The following TRIL variants were observed in gnomAD, a reference collection of about 807,000 sequenced individuals.
The protein encoded by TRIL is TLR4 interactor with leucine rich repeats.
Under a neutral mutation model 43.0 loss-of-function variants are expected in TRIL, and 23 were observed. The observed-to-expected ratio is 0.54, with a 90% CI of 0.39 to 0.76. The LOEUF (loss-of-function observed/expected upper bound fraction) is 0.76. TRIL is among the 30% of genes least tolerant of loss of function. The pLI, the probability that TRIL is intolerant of heterozygous loss-of-function variation, is 0.00. For synonymous variants in TRIL, 602 were observed against 556.8 expected, an observed-to-expected ratio of 1.08 and a Z score of -1.14; for missense variants, 1,114 against 1,139.3, an observed-to-expected ratio of 0.98 and a Z score of 0.32.
In TRIL at chr7:28,958,204, G is replaced by A. The variant is rs1374075566; in HGVS notation, c.-158C>T. The A allele has an allele frequency of 7.5e-5, 85 of 1,140,498 alleles. No homozygotes were observed. The highest frequency in any genetic ancestry group is 3.7e-4 in the South Asian group (20 of 53,766). The allele number at this position is 1,140,498 out of a possible 1,614,324, so 70.6% of individuals were successfully genotyped here. A position where few individuals can be genotyped will look rare whatever the true frequency, so the allele number is the denominator to read the frequency against. Reference sequence around the variant, plus strand: ...TCCTCCGTCCTTTGTCCGGAGGCCGGCCCGGGTCTCTGCAGGCGGGCTTCG... The same window carrying A: ...TCCTCCGTCCTTTGTCCGGAGGCCGACCCGGGTCTCTGCAGGCGGGCTTCG... On this transcript the variant is annotated 5_prime_UTR_variant, in exon 1 of 1. Transcript: ENST00000539664.
In TRIL at chr7:28,955,459, G is replaced by T. The variant is rs1783381950; in HGVS notation, c.*152C>A. 3 of 1,139,342 alleles carry T rather than the reference G, an allele frequency of 2.6e-6. No homozygotes were observed. The highest frequency in any genetic ancestry group is 1.6e-5 in the African/African-American group (1 of 63,782). 70.6% of individuals were successfully genotyped at this position (1,139,342 alleles called of 1,614,324 possible). ...ACCATCCATTTACTTCTCGAGTATT[G>T]GGAATTGGGGGATGGTGCCCGAATT... On this transcript the variant is annotated 3_prime_UTR_variant, in exon 1 of 1. Coordinates refer to ENST00000539664, the MANE Select transcript of TRIL (RefSeq NM_014817.4).
chr7:28,957,560 C>A lies in TRIL; in HGVS notation c.487G>T (p.Asp163Tyr). 6.2e-7 allele frequency: 1 copy of A among 1,612,350 alleles called. No individual in the cohort carries two copies. Among genetic ancestry groups the A allele is most frequent in the East Asian group, 2.2e-5 (1 of 44,852 alleles). ...GLESLVKLRL[D>Y]GNALGALPDA... ...GGCAGCGCCCCCAGGGCGTTCCCGT[C>A]CAGCCGCAGCTTGACTAGACTCTCC... Residue 163 changes from aspartate (D) to tyrosine (Y), a missense_variant, in exon 1 of 1, where the codon GAC becomes TAC. Transcript: ENST00000539664.
At position 28,956,727 on chromosome 7, in the gene TRIL, C is replaced by T. The variant is rs774882617; in HGVS notation, c.1320G>A (p.Met440Ile). 6.9e-6 allele frequency: 11 copies of T among 1,603,510 alleles called. No homozygotes were observed. In the South Asian group the frequency reaches 1.2e-4, roughly 18 times the overall value. Residue 440 changes from methionine to isoleucine, a missense_variant, in exon 1 of 1, where the codon ATG (methionine) becomes ATA (isoleucine). Transcript: ENST00000539664. Reference protein sequence around the residue: ...QPLPTAAGEEMTPPAGLAEEL... With the variant: ...QPLPTAAGEEITPPAGLAEEL... ...CCTCCGCGAGACCTGCAGGTGGCGT[C>T]ATCTCCTCCCCTGCGGCCGTGGGTA... is the stretch of plus-strand genomic sequence containing the variant.
chr7:28,955,847 C>A lies in TRIL; in HGVS notation c.2200G>T (p.Ala734Ser), dbSNP rs1183532828. The change falls in exon 1 of 1, where the codon GCC becomes TCC. Residue 734 changes from alanine to serine, a missense_variant. Ala to Ser is a moderately conservative substitution (Grantham distance 99, BLOSUM62 1). Transcript: ENST00000539664. ...TACATGTGCCGAACGTGGACCGGGG[C>A]CCCGCCCTTCCGCCTAGCCCGCAGT... ...RKLRARRKGG[A>S]PVHVRHMYST... 5 of 1,549,728 alleles carry A rather than the reference C, an allele frequency of 3.2e-6. No homozygotes were observed. In the Admixed American group the frequency reaches 7.8e-5, roughly 24 times the overall value.
Position 28,957,675 on chromosome 7 carries a change from CG to C in TRIL, c.371del (p.Pro124ArgfsTer23). 1 of 1,608,076 alleles carries C rather than the reference CG, an allele frequency of 6.2e-7. No individual in the cohort carries two copies. The highest frequency in any genetic ancestry group is 8.5e-7 in the Non-Finnish European group (1 of 1,177,474). On this transcript the variant is annotated frameshift_variant, in exon 1 of 1. Coordinates refer to ENST00000539664, the MANE Select transcript of TRIL (RefSeq NM_014817.4). LOFTEE classifies it high-confidence loss of function. ...GCTTGCGCAGCGGGGCCAGCGTGCC[CG>C]GGGCGAGCGCCTGCAAGAGGTTGTT... ...LGNNLLQALA[P>X]GTLAPLRKLR...
At position 28,956,709 on chromosome 7, in the gene TRIL, G is replaced by A. The variant is rs370254572; in HGVS notation, c.1338C>T (p.Leu446=). Residue 446 remains leucine, a synonymous_variant, in exon 1 of 1, where the codon CTC becomes CTT. Transcript: ENST00000539664. Reference sequence around the variant, plus strand: ...GCGGCTGCGGCGGCAGCTCCTCCGCGAGACCTGCAGGTGGCGTCATCTCCT... The same window carrying A: ...GCGGCTGCGGCGGCAGCTCCTCCGCAAGACCTGCAGGTGGCGTCATCTCCT... The part of the protein sequence containing the change: ...AGEEMTPPAG[L]AEELPPQPQL... 27 of 1,593,340 alleles carry A rather than the reference G, an allele frequency of 1.7e-5. No homozygotes were observed. Among genetic ancestry groups the A allele is most frequent in the Non-Finnish European group, 2.1e-5 (25 of 1,172,530 alleles).
In TRIL at chr7:28,958,165, C is replaced by T; in HGVS notation, c.-119G>A. Reference sequence around the variant, plus strand: ...AAATGGCCTCTTTCGGACTTCGCAGCGCCGTCCAGCCCCTCCTCCGTCCTT... The same window carrying T: ...AAATGGCCTCTTTCGGACTTCGCAGTGCCGTCCAGCCCCTCCTCCGTCCTT... On this transcript the variant is annotated 5_prime_UTR_variant, in exon 1 of 1. Coordinates refer to ENST00000539664, the MANE Select transcript of TRIL (RefSeq NM_014817.4). 3.7e-6 allele frequency: 5 copies of T among 1,334,340 alleles called. No homozygotes were observed. The highest frequency in any genetic ancestry group is 2.8e-5 in the East Asian group (1 of 36,096). The allele number at this position is 1,334,340 out of a possible 1,614,324, so 82.7% of individuals were successfully genotyped here.
rs751596628 is a variant in TRIL, at chr7:28,956,581, G to A, written c.1466C>T (p.Pro489Leu). The A allele has an allele frequency of 2.7e-5, 42 of 1,552,840 alleles. No homozygotes were observed. The highest frequency in any genetic ancestry group is 1.4e-5 in the Non-Finnish European group (16 of 1,157,554). Residue 489 changes from proline (P) to leucine (L), a missense_variant, in exon 1 of 1, where the codon CCG becomes CTG. Coordinates refer to ENST00000539664, the MANE Select transcript of TRIL (RefSeq NM_014817.4). ...GGAGGGGCTGGGCTGCTGGAGGCCC[G>A]GGCCCCGCCGACTCAGCCTTAGGGC... ...RSALRLSRRG[P>L]GLQQPSPSVA...
In TRIL at chr7:28,958,147, C is replaced by G; in HGVS notation, c.-101G>C. The G allele has an allele frequency of 7.1e-7, 1 of 1,401,446 alleles. No individual in the cohort carries two copies. 86.8% of individuals were successfully genotyped at this position (1,401,446 alleles called of 1,614,324 possible). A position where few individuals can be genotyped will look rare whatever the true frequency, so the allele number is the denominator to read the frequency against. On this transcript the variant is annotated 5_prime_UTR_variant, in exon 1 of 1. Transcript: ENST00000539664. ...AGCCTGGCCAGAGTCGCTAAATGGC[C>G]TCTTTCGGACTTCGCAGCGCCGTCC...
Position 28,955,640 on chromosome 7 carries a change from C to A in TRIL, c.2407G>T (p.Asp803Tyr). ...GGAGGSLRRE[D>Y]RLLQRFAD ...TCGGCAAATCGCTGCAGGAGACGGT[C>A]CTCCCGTCTCAGGCTGCCGCCCGCG... is the stretch of plus-strand genomic sequence containing the variant. The change falls in exon 1 of 1, where the codon GAC becomes TAC. Residue 803 changes from aspartate to tyrosine, a missense_variant. Asp to Tyr is a radical substitution (Grantham distance 160). Transcript: ENST00000539664. The A allele has an allele frequency of 6.5e-7, 1 of 1,545,028 alleles. No homozygotes were observed. The highest frequency in any genetic ancestry group is 1.2e-5 in the South Asian group (1 of 83,874).
In TRIL at chr7:28,955,734, C is replaced by T. The variant is rs1783386796; in HGVS notation, c.2313G>A (p.Val771=). 1 of 1,550,254 alleles carries T rather than the reference C, an allele frequency of 6.5e-7. No homozygotes were observed. The highest frequency in any genetic ancestry group is 2.0e-5 in the Admixed American group (1 of 50,998). Reference sequence around the variant, plus strand: ...TGAGGTCCGCCTCACTGAGCGCGCACACGGTGGTGCGTGGCCGGTGCGACT... The same window carrying T: ...TGAGGTCCGCCTCACTGAGCGCGCATACGGTGGTGCGTGGCCGGTGCGACT... ...GFQSHRPRTT[V]CALSEADLIE... is the part of the protein sequence containing the mutation. Residue 771 remains valine (V), a synonymous_variant, in exon 1 of 1, where the codon GTG becomes GTA. Transcript: ENST00000539664.
At position 28,956,577 on chromosome 7, in the gene TRIL, G is replaced by A. The variant is rs28728441; in HGVS notation, c.1470C>T (p.Gly490=). 1.3e-5 allele frequency: 20 copies of A among 1,554,598 alleles called. No homozygotes were observed. The African/African-American group carries it at 2.7e-4, about 21-fold the overall frequency. The part of the protein sequence containing the change: ...SALRLSRRGP[G]LQQPSPSVAA... ...CGACGGAGGGGCTGGGCTGCTGGAG[G>A]CCCGGGCCCCGCCGACTCAGCCTTA... The change falls in exon 1 of 1, where the codon GGC becomes GGT. Residue 490 remains glycine (G), a synonymous_variant. Coordinates refer to ENST00000539664, the MANE Select transcript of TRIL (RefSeq NM_014817.4).
chr7:28,956,122 C>G lies in TRIL; in HGVS notation c.1925G>C (p.Ser642Thr), dbSNP rs771705979. 19 of 1,563,044 alleles carry G rather than the reference C, an allele frequency of 1.2e-5. No individual in the cohort carries two copies. Among genetic ancestry groups the G allele is most frequent in the Non-Finnish European group, 1.5e-5 (17 of 1,155,752 alleles). ...KFHRFVYLPESSDSATLRELR... is the reference protein window; with the variant it reads ...KFHRFVYLPETSDSATLRELR... ...CTCGCGCAGCGTGGCCGAGTCGCTGCTCTCAGGCAGGTAGACGAAGCGGTG... is the reference window on the plus strand; with the variant it reads ...CTCGCGCAGCGTGGCCGAGTCGCTGGTCTCAGGCAGGTAGACGAAGCGGTG... Residue 642 changes from serine to threonine, a missense_variant, in exon 1 of 1, where the codon AGC (serine) becomes ACC (threonine). Transcript: ENST00000539664.
rs948143636 is a variant in TRIL at position 28,958,310 on chromosome 7, G to C, written c.-264C>G. The C allele has an allele frequency of 2.3e-6, 1 of 434,474 alleles. No individual in the cohort carries two copies. The highest frequency in any genetic ancestry group is 4.1e-6 in the Non-Finnish European group (1 of 243,094). 26.9% of individuals were successfully genotyped at this position (434,474 alleles called of 1,614,324 possible). On this transcript the variant is annotated 5_prime_UTR_variant, in exon 1 of 1. Transcript: ENST00000539664. ...CATTTCTGTATAAAACTGTTTCTCCGGGTGCGCGTCGGCGGGCGGGAGGAG... is the reference window on the plus strand; with the variant it reads ...CATTTCTGTATAAAACTGTTTCTCCCGGTGCGCGTCGGCGGGCGGGAGGAG...
In TRIL at chr7:28,956,466, G is replaced by A. The variant is rs115625725; in HGVS notation, c.1581C>T (p.Leu527=). 1.7e-3 allele frequency: 2,562 copies of A among 1,551,992 alleles called. 34 individuals are homozygous for A. The African/African-American group carries it at 0.03, about 18-fold the overall frequency. ...GAGAGGCCGTTGGGGTGGGCTCCGC[G>A]AGGGCGGGATCTGCCCGAGTCGGAC... ...RGRPTRADPA[L]AEPTPTASPG... Residue 527 remains leucine, a synonymous_variant, in exon 1 of 1, where the codon CTC becomes CTT. Coordinates refer to ENST00000539664, the MANE Select transcript of TRIL (RefSeq NM_014817.4).
chr7:28,957,512 CCAAG>C lies in TRIL; in HGVS notation c.531_534del (p.Leu178AlafsTer24), dbSNP rs767673612. 1 of 1,613,168 alleles carries C rather than the reference CCAAG, an allele frequency of 6.2e-7. No individual in the cohort carries two copies. On this transcript the variant is annotated frameshift_variant, in exon 1 of 1. Coordinates refer to ENST00000539664, the MANE Select transcript of TRIL (RefSeq NM_014817.4). LOFTEE classifies it high-confidence loss of function. ...TCCAGATGTAGGTAGAGCAGGTTGC[CCAAG>C]GGAGCGAAGACCGCGTCCGGCAGCG...
Position 28,957,207 on chromosome 7 carries a change from G to A in TRIL, c.840C>T (p.Arg280=). The A allele has an allele frequency of 1.2e-6, 2 of 1,602,572 alleles. No individual in the cohort carries two copies. The highest frequency in any genetic ancestry group is 1.7e-6 in the Non-Finnish European group (2 of 1,178,036). The stretch of plus-strand genomic sequence containing the variant: ...GCCGATTACCCTCCAGGCGCAGCTC[G>A]CGCAGGGCCTCCAAGCCCCAAAAGG... The part of the protein sequence containing the change: ...PEAFWGLEAL[R]ELRLEGNRLS... The change falls in exon 1 of 1, where the codon CGC becomes CGT. Residue 280 remains arginine (R), a synonymous_variant. Transcript: ENST00000539664.
rs775993009 is a variant in TRIL at position 28,955,655 on chromosome 7, T to TGCCGCCCGCGCC, written c.2380_2391dup (p.Gly794_Gly797dup). On this transcript the variant is annotated inframe_insertion, in exon 1 of 1. Coordinates refer to ENST00000539664, the MANE Select transcript of TRIL (RefSeq NM_014817.4). Reference sequence around the variant, plus strand: ...AGGAGACGGTCCTCCCGTCTCAGGCTGCCGCCCGCGCCGCCGCCCGCACTG... The same window carrying TGCCGCCCGCGCC: ...AGGAGACGGTCCTCCCGTCTCAGGCTGCCGCCCGCGCCGCCGCCCGCGCCGCCGCCCGCACTG... The TGCCGCCCGCGCC allele has an allele frequency of 1.1e-4, 166 of 1,547,104 alleles. No homozygotes were observed. Among genetic ancestry groups the TGCCGCCCGCGCC allele is most frequent in the Non-Finnish European group, 1.3e-4 (150 of 1,146,596 alleles).
chr7:28,956,310 T>A lies in TRIL; in HGVS notation c.1737A>T (p.Pro579=). 2.6e-6 allele frequency: 4 copies of A among 1,542,322 alleles called. No individual in the cohort carries two copies. The highest frequency in any genetic ancestry group is 3.5e-6 in the Non-Finnish European group (4 of 1,150,452). ...ACAGAATGAACTTGTTGAAGTCGCA[T>A]GGGTCGGACACCAGCGGCGGCAGCC... The part of the protein sequence containing the change: ...GAGLPPLVSD[P]CDFNKFILCN... The change falls in exon 1 of 1, where the codon CCA becomes CCT. Residue 579 remains proline, a synonymous_variant. Transcript: ENST00000539664.
Sources: allele counts gnomAD v4.1 joint callset, GRCh38; gene constraint gnomAD v4.1.1; transcripts MANE v1.5; gene names NCBI Gene and HGNC (gene_info 2026-07-23, HGNC 2026-07-21).